Variants in ANKHD1 observed in about 807,000 individuals in gnomAD.
ANKHD1 encodes the protein ankyrin repeat and KH domain-containing protein 1.
In ANKHD1, 31 loss-of-function variants were observed where a neutral mutation model predicts 230.5. The ratio of observed to expected loss-of-function variants is 0.13; its 90% CI spans 0.10 to 0.18. The LOEUF (loss-of-function observed/expected upper bound fraction) is 0.18. ANKHD1 is among the 10% of genes least tolerant of loss of function. The probability of loss-of-function intolerance (pLI) is 1.00; values close to 1 mark genes in which losing one functional copy is unlikely to be tolerated. For missense variants in ANKHD1, 2,256 were observed against 3,071.3 expected, an observed-to-expected ratio of 0.73 and a Z score of 6.27; for synonymous variants, 1,074 against 1,117.6, an observed-to-expected ratio of 0.96 and a Z score of 0.78.
intron 10 of ANKHD1, 21 bp downstream of exon 10, chr5:140,464,797 A>G (rs1489568256): frequency 1.3e-6 from 2 of 1,580,490 alleles, no homozygotes; most frequent in Admixed American, 1.8e-5. Flanking sequence ...TTTAATTTCA[A>G]ATATTTTTGC....
chr5:140,454,551 A>G lies in ANKHD1; in HGVS notation c.1243-4074A>G, dbSNP rs142912077. Among the ~76,000 whole-genome samples the G allele has an allele frequency of 5.1e-4, 77 of 152,348 alleles. 1 individual carries two copies. Among genetic ancestry groups the G allele is most frequent in the African/African-American group, 1.9e-3 (77 of 41,578 alleles). The stretch of plus-strand genomic sequence containing the variant: ...TGCAATCAAACTAGAATTCAGGATT[A>G]AGAAACTCACTCAAAACCGCTCAAC... On this transcript the variant is annotated intron_variant, in intron 7 of 33. Transcript: ENST00000360839.
In ANKHD1 at chr5:140,526,853, C is replaced by A; in HGVS notation, c.4941-75C>A. On this transcript the variant is annotated intron_variant, in intron 26 of 33. Transcript: ENST00000360839. ...TACGAATATTTCAGCGTAACTCTGG[C>A]TATAAAGGAATAGTCTCTTGAGTTT... The A allele has an allele frequency of 2.7e-6, 4 of 1,488,658 alleles. No individual in the cohort carries two copies. The South Asian group carries it at 4.4e-5, about 16-fold the overall frequency. The allele number at this position is 1,488,658 out of a possible 1,614,324, so 92.2% of individuals were successfully genotyped here. A position where few individuals can be genotyped will look rare whatever the true frequency, so the allele number is the denominator to read the frequency against.
At chr5:140,508,089 TATC>T in intron 20 of ANKHD1, 91 bp downstream of exon 20, 1 of 1,436,866 alleles carries the variant, frequency 7.0e-7, no homozygotes, top group South Asian at 1.5e-5. Context: ...TATTTTAAAT[TATC>T]ATAAATTAAA....
chr5:140,505,685 A>T lies in ANKHD1; in HGVS notation c.3263-39A>T, dbSNP rs1441665335. ...AACAGTGGCTTTAAAATAAAATAAA[A>T]AACATAAATTTGTTTAAGATTTTCA... On this transcript the variant is annotated intron_variant, in intron 17 of 33. Coordinates refer to ENST00000360839, the MANE Select transcript of ANKHD1 (RefSeq NM_017747.3). The T allele has an allele frequency of 6.4e-6, 10 of 1,563,546 alleles. No homozygotes were observed. The African/African-American group carries it at 6.9e-5, about 11-fold the overall frequency.
Position 140,505,836 on chromosome 5 carries a change from G to C in ANKHD1, c.3375G>C (p.Pro1125=), listed in dbSNP as rs149314498. 2.5e-6 allele frequency: 4 copies of C among 1,601,996 alleles called. No individual in the cohort carries two copies. The highest frequency in any genetic ancestry group is 3.4e-6 in the Non-Finnish European group (4 of 1,176,120). ...EAQSERTKDT[P]LSLACSGGRQ... ...AGTCTGAACGAACTAAGGATACTCC[G>C]CTTTCATTGGCATGTTCTGGTGGAC... Residue 1125 remains proline (P), a synonymous_variant, in exon 18 of 34, where the codon CCG becomes CCC. Transcript: ENST00000360839.
intron 1 of ANKHD1, among the ~76,000 whole-genome samples, chr5:140,415,371 G>A (rs1356740983): frequency 1.3e-5 from 2 of 149,322 alleles, no homozygotes; most frequent in African/African-American, 4.9e-5. Context: ...GACAGAGCGA[G>A]ACTTCGTCTT....
At chr5:140,438,695 T>C (rs915165295) in intron 3 of ANKHD1, 78 bp downstream of exon 3, 2 of 1,452,658 alleles carry the variant, frequency 1.4e-6, no homozygotes, top group Admixed American at 2.4e-5. Flanking sequence ...TGGTTAAATA[T>C]ATCTTTTGGT....
intron 14 of ANKHD1, among the ~76,000 whole-genome samples, chr5:140,494,422 C>G (rs899273534): frequency 6.6e-6 from 1 of 152,112 alleles, no homozygotes; most frequent in Admixed American, 6.5e-5. Flanking sequence ...GGCTGAGCAA[C>G]ATAGCAAGAT....
At chr5:140,497,656 A>C (rs778824960) in intron 15 of ANKHD1, among the ~76,000 whole-genome samples, 26 of 152,140 alleles carry the variant, frequency 1.7e-4, no homozygotes, top group Admixed American at 5.9e-4. Context: ...GTTGATTTTC[A>C]TGTCTGGAAA....
chr5:140,495,422 T>G (rs533297086), intron 14 of ANKHD1, among the ~76,000 whole-genome samples: 1 of 152,194 alleles, frequency 6.6e-6, no homozygotes, highest in Admixed American at 6.5e-5. Context: ...ATTTTTTGTA[T>G]TTTTAGTAGA....
At chr5:140,425,228 A>G (rs2126882182) in intron 1 of ANKHD1, among the ~76,000 whole-genome samples, 1 of 152,272 alleles carries the variant, frequency 6.6e-6, no homozygotes, top group East Asian at 1.9e-4. Flanking sequence ...AAGCTAACCA[A>G]TTTCAGAAAA....
At chr5:140,537,809 T>A in intron 31 of ANKHD1, 1 of 891,106 alleles carries the variant, frequency 1.1e-6, no homozygotes, top group Non-Finnish European at 1.6e-6. Context: ...AACAAAAGAT[T>A]CAAAGTGTGT....
chr5:140,526,093 A>G lies in ANKHD1; in HGVS notation c.4590A>G (p.Lys1530=), dbSNP rs761263851. ...TSATFTNVFG[K]KRANVVTTPS... Reference sequence around the variant, plus strand: ...CAACATTCACAAATGTGTTTGGGAAAAAAAGGGCCAATGTGGTGACAACTC... The same window carrying G: ...CAACATTCACAAATGTGTTTGGGAAGAAAAGGGCCAATGTGGTGACAACTC... The change falls in exon 26 of 34, where the codon AAA becomes AAG. Residue 1530 remains lysine, a synonymous_variant. Transcript: ENST00000360839. The G allele has an allele frequency of 1.9e-6, 3 of 1,613,642 alleles. No individual in the cohort carries two copies. The highest frequency in any genetic ancestry group is 2.5e-6 in the Non-Finnish European group (3 of 1,179,960).
Position 140,528,747 on chromosome 5 carries a change from C to G in ANKHD1, c.5801C>G (p.Pro1934Arg), listed in dbSNP as rs1288703558. 6.2e-7 allele frequency: 1 copy of G among 1,614,182 alleles called. No homozygotes were observed. Among genetic ancestry groups the G allele is most frequent in the East Asian group, 2.2e-5 (1 of 44,888 alleles). Residue 1934 changes from proline to arginine, a missense_variant, in exon 29 of 34, where the codon CCT (proline) becomes CGT (arginine). By Grantham distance (103) the Pro-to-Arg change is moderately radical. This residue lies in a region of ANKHD1 where 778 missense variants were observed against 966.5 expected (regional missense o/e 0.80). Coordinates refer to ENST00000360839, the MANE Select transcript of ANKHD1 (RefSeq NM_017747.3). ...GCTGGACTAGCTACTGCCAGTTGTC[C>G]TATCACTGTCTCTTCTGTAGTTGCT... ...ESAGLATASC[P>R]ITVSSVVAAS...
chr5:140,492,207 C>G (rs1751840447), intron 14 of ANKHD1, among the ~76,000 whole-genome samples: 1 of 152,144 alleles, frequency 6.6e-6, no homozygotes, highest in Non-Finnish European at 1.5e-5. Flanking sequence ...TCTTTAGTCA[C>G]TTTCCATTAT....
chr5:140,449,073 G>A, intron 6 of ANKHD1, 138 bp from the exon 7 acceptor site: 2 of 882,224 alleles, frequency 2.3e-6, no homozygotes, highest in East Asian at 3.0e-5. Context: ...TTGTAAAACT[G>A]TTACTGATTT....
Position 140,537,446 on chromosome 5 carries a change from G to A in ANKHD1, c.7085G>A (p.Arg2362Gln), listed in dbSNP as rs780806092. ...QPKGVSASQD[R>Q]KIPPPIGTER... ...AAAGGAGTCAGTGCCAGTCAAGATC[G>A]AAAGATACCTCCCCCAATTGGAACA... Residue 2362 changes from arginine (R) to glutamine (Q), a missense_variant, in exon 31 of 34, where the codon CGA becomes CAA. Transcript: ENST00000360839. 1.2e-6 allele frequency: 2 copies of A among 1,614,018 alleles called. No homozygotes were observed. The highest frequency in any genetic ancestry group is 2.2e-5 in the East Asian group (1 of 44,894).
In ANKHD1 at chr5:140,535,553, G is replaced by A; in HGVS notation, c.7027+15G>A. 6.4e-7 allele frequency: 1 copy of A among 1,570,722 alleles called. No individual in the cohort carries two copies. The highest frequency in any genetic ancestry group is 1.2e-5 in the South Asian group (1 of 84,064). ...CTCAAACTCATGTAGGAATCCTGGAGGAACTCTTCCCAAAGAGTTTTGAAT... is the reference window on the plus strand; with the variant it reads ...CTCAAACTCATGTAGGAATCCTGGAAGAACTCTTCCCAAAGAGTTTTGAAT... On this transcript the variant is annotated intron_variant, in intron 30 of 33. Transcript: ENST00000360839.
At chr5:140,422,354 A>G (rs889527123) in intron 1 of ANKHD1, among the ~76,000 whole-genome samples, 32 of 151,874 alleles carry the variant, frequency 2.1e-4, no homozygotes, top group African/African-American at 7.7e-4. Flanking sequence ...CAAACTCCTG[A>G]CCTCAGGTGA....
Sources: allele counts gnomAD v4.1 joint callset (sites outside exome capture counted in the v4.1 genomes callset), GRCh38; gene constraint gnomAD v4.1.1; regional missense constraint gnomAD v4.1.1; transcripts MANE v1.5; gene names NCBI Gene and HGNC (gene_info 2026-07-23, HGNC 2026-07-21).